Variants in BEAN1 observed in about 807,000 individuals in gnomAD.
BEAN1 encodes protein BEAN1.
A neutral mutation model predicts 17.7 loss-of-function variants in BEAN1; 17 were observed. That is an observed-to-expected ratio of 0.96 (90% CI 0.66 to 1.44). The LOEUF (loss-of-function observed/expected upper bound fraction) is 1.44, where lower values mean the gene tolerates loss of function less well. Among genes scored for constraint, BEAN1 ranks in the 40% most tolerant of loss-of-function variants. The pLI is 0.00. For missense variants in BEAN1, 359 were observed against 374.1 expected (o/e 0.96, Z 0.33); for synonymous variants, 142 against 151.8 (o/e 0.94, Z 0.47).
At chr16:66,486,443 C>T (rs965075105), downstream of BEAN1, among the ~76,000 whole-genome samples, 3 of 152,112 alleles carry the variant, frequency 2.0e-5, no homozygotes, top group Non-Finnish European at 2.9e-5. Context: ...TTAGTAGAGA[C>T]GGGGTCTCAC....
rs1322210210 is a variant in BEAN1, at chr16:66,473,716, A to G, written c.290-3844A>G. Reference sequence around the variant, plus strand: ...TGTCTCTAAATAAATAAATAAATAAATAAATAATAAATAATAAATAAAGAG... The same window carrying G: ...TGTCTCTAAATAAATAAATAAATAAGTAAATAATAAATAATAAATAAAGAG... On this transcript the variant is annotated intron_variant, in intron 3 of 4. Coordinates refer to ENST00000536005, the MANE Select transcript of BEAN1 (RefSeq NM_001178020.3). This position sits in a 1 kb window ranked among gnomAD's most constrained non-coding sequence, Gnocchi z 4.5. Among the ~76,000 whole-genome samples, 1 of 151,894 alleles carries G rather than the reference A, an allele frequency of 6.6e-6. No homozygotes were observed. Among genetic ancestry groups the G allele is most frequent in the East Asian group, 1.9e-4 (1 of 5,168 alleles).
downstream of BEAN1, among the ~76,000 whole-genome samples, chr16:66,494,821 G>A (rs77443905): frequency 4.7e-4 from 71 of 152,282 alleles, no homozygotes; most frequent in East Asian, 0.01. Flanking sequence ...ATGCACATGT[G>A]CACACAAATA....
At chr16:66,429,643 T>C (rs1961718902) in intron 1 of BEAN1, among the ~76,000 whole-genome samples, 1 of 152,104 alleles carries the variant, frequency 6.6e-6, no homozygotes, top group Non-Finnish European at 1.5e-5. Context: ...ACAGGCAAGA[T>C]GAGCTGCCAC....
At chr16:66,489,680 G>C (rs1964138590) in intron 4 of BEAN1, among the ~76,000 whole-genome samples, 1 of 152,178 alleles carries the variant, frequency 6.6e-6, no homozygotes, top group Non-Finnish European at 1.5e-5. Flanking sequence ...GTAGGAAAGA[G>C]AGAAAATATG....
chr16:66,477,889 G>C (rs371117982), intron 4 of BEAN1, 179 bp downstream of exon 4: 3 of 611,156 alleles, frequency 4.9e-6, no homozygotes, highest in Admixed American at 4.1e-5. Context: ...CACTGAGGCA[G>C]TGTGACTTAG....
At position 66,480,841 on chromosome 16, in the gene BEAN1, G is replaced by C. The variant is rs372815486; in HGVS notation, c.696G>C (p.Pro232=). ...AGPPSGLLPL[P]GPDPGPRGSQ... ...CCCCATCAGGCCTGCTGCCACTGCCGGGCCCAGACCCAGGGCCAAGGGGCT... is the reference window on the plus strand; with the variant it reads ...CCCCATCAGGCCTGCTGCCACTGCCCGGCCCAGACCCAGGGCCAAGGGGCT... Residue 232 remains proline (P), a synonymous_variant, in exon 5 of 5, where the codon CCG becomes CCC. Transcript: ENST00000536005. 6.6e-7 allele frequency: 1 copy of C among 1,526,004 alleles called. No individual in the cohort carries two copies. The highest frequency in any genetic ancestry group is 8.8e-7 in the Non-Finnish European group (1 of 1,132,018). The allele number at this position is 1,526,004 out of a possible 1,614,324, so 94.5% of individuals were successfully genotyped here. A position where few individuals can be genotyped will look rare whatever the true frequency, so the allele number is the denominator to read the frequency against.
intron 3 of BEAN1, among the ~76,000 whole-genome samples, chr16:66,470,844 A>G (rs1963458003): frequency 6.6e-6 from 1 of 152,220 alleles, no homozygotes; most frequent in African/African-American, 2.4e-5. Flanking sequence ...ACGATTTTCA[A>G]TGGCAGGAAA....
At position 66,469,485 on chromosome 16, in the gene BEAN1, G is replaced by T. The variant is rs1351417371; in HGVS notation, c.26-117G>T. 2.3e-6 allele frequency: 3 copies of T among 1,290,738 alleles called. No individual in the cohort carries two copies. The African/African-American group carries it at 4.4e-5, about 19-fold the overall frequency. The allele number at this position is 1,290,738 out of a possible 1,614,324, so 80.0% of individuals were successfully genotyped here. On this transcript the variant is annotated intron_variant, in intron 2 of 4. Coordinates refer to ENST00000536005, the MANE Select transcript of BEAN1 (RefSeq NM_001178020.3). ...GCCAGGATAGAGTCCGTGGGCCTGA[G>T]CCCAGACCCTCCTCCATTTATTTAG...
intron 3 of BEAN1, among the ~76,000 whole-genome samples, chr16:66,472,569 T>C (rs550454923): frequency 6.6e-6 from 1 of 152,184 alleles, no homozygotes; most frequent in South Asian, 2.1e-4. Flanking sequence ...CTGGGCATGG[T>C]GGCACATGCC....
chr16:66,431,119 T>G (rs746027275), intron 1 of BEAN1, among the ~76,000 whole-genome samples: 1 of 152,220 alleles, frequency 6.6e-6, no homozygotes, highest in Non-Finnish European at 1.5e-5. Context: ...TAAAAAAATT[T>G]TTTTCAATAA....
chr16:66,452,528 T>G (rs1307081399), intron 2 of BEAN1, among the ~76,000 whole-genome samples: 1 of 152,018 alleles, frequency 6.6e-6, no homozygotes, highest in Non-Finnish European at 1.5e-5. Flanking sequence ...CCTAAAGGAG[T>G]TGGCAAAAGC....
intron 4 of BEAN1, among the ~76,000 whole-genome samples, chr16:66,492,631 G>C (rs1357381780): frequency 6.6e-6 from 1 of 151,448 alleles, no homozygotes; most frequent in Non-Finnish European, 1.5e-5. Flanking sequence ...TAGTAGAGAG[G>C]GGTTTCACCA....
downstream of BEAN1, among the ~76,000 whole-genome samples, chr16:66,493,717 T>A (rs1167974025): frequency 6.6e-6 from 1 of 152,028 alleles, no homozygotes; most frequent in Non-Finnish European, 1.5e-5. Flanking sequence ...CGACACCAGG[T>A]CCCCAATCTC....
chr16:66,429,157 G>A (rs1122595), intron 1 of BEAN1, among the ~76,000 whole-genome samples: 38,929 of 152,110 alleles, frequency 0.26, 6,379 homozygotes, highest in African/African-American at 0.46. Context: ...CACACCGATG[G>A]TGACGGTTCA....
At chr16:66,467,731 G>A (rs535856322) in intron 2 of BEAN1, among the ~76,000 whole-genome samples, 231 of 152,286 alleles carry the variant, frequency 1.5e-3, no homozygotes, top group African/African-American at 5.2e-3. Flanking sequence ...ACTCCAGTGC[G>A]TGCCTCTCCA....
At chr16:66,491,145 C>T (rs1009794683) in intron 4 of BEAN1, among the ~76,000 whole-genome samples, 2 of 152,210 alleles carry the variant, frequency 1.3e-5, no homozygotes, top group African/African-American at 2.4e-5. Flanking sequence ...AGGGCCGGCT[C>T]GATGTCTGCA....
chr16:66,474,586 G>A (rs1270793483), intron 3 of BEAN1, among the ~76,000 whole-genome samples: 9 of 23,134 alleles, frequency 3.9e-4, no homozygotes, highest in East Asian at 2.8e-3. Context: ...GGGAGAGAGG[G>A]AGGGAGGGAG....
rs1184222328 is a variant in BEAN1, at chr16:66,427,515, G to C, written c.-83+84G>C. On this transcript the variant is annotated intron_variant, in intron 1 of 4. Coordinates refer to ENST00000536005, the MANE Select transcript of BEAN1 (RefSeq NM_001178020.3). The surrounding 1 kb of genome is among the most constrained non-coding windows in gnomAD (Gnocchi z 4.7). ...TTCCCCCGCGCTCTGCGGTGGTACC[G>C]GCGAACGACACACCCGGGGGCGCGC... The C allele has an allele frequency of 2.6e-5, 4 of 151,468 alleles. No individual in the cohort carries two copies. The highest frequency in any genetic ancestry group is 5.9e-5 in the Non-Finnish European group (4 of 67,830). 9.4% of individuals were successfully genotyped at this position (151,468 alleles called of 1,614,324 possible).
intron 2 of BEAN1, among the ~76,000 whole-genome samples, chr16:66,463,695 T>C (rs975240316): frequency 2.6e-5 from 4 of 152,238 alleles, no homozygotes; most frequent in African/African-American, 9.6e-5. Context: ...TATCTAAGAA[T>C]CATTTGCCAA....
Sources: allele counts gnomAD v4.1 joint callset (sites outside exome capture counted in the v4.1 genomes callset), GRCh38; gene constraint gnomAD v4.1.1; non-coding constraint Gnocchi (gnomAD v3.1); transcripts MANE v1.5; gene names NCBI Gene and HGNC (gene_info 2026-07-23, HGNC 2026-07-21).